Variants in CRPPA observed in about 807,000 individuals in gnomAD.
The protein encoded by CRPPA is CDP-L-ribitol pyrophosphorylase A.
A neutral mutation model predicts 52.0 loss-of-function variants in CRPPA; 43 were observed. That is an observed-to-expected ratio of 0.83 (90% CI 0.65 to 1.07). The LOEUF is 1.07. Among genes scored for constraint, CRPPA ranks in the 50% least tolerant of loss-of-function variants. The probability of loss-of-function intolerance (pLI) is 0.00; values close to 1 mark genes in which losing one functional copy is unlikely to be tolerated. For missense variants in CRPPA, 629 were observed against 551.7 expected (o/e 1.14, Z -1.40); for synonymous variants, 250 against 203.5 (o/e 1.23, Z -1.94).
At chr7:16,135,688 G>A (rs933130104) in intron 9 of CRPPA, among the ~76,000 whole-genome samples, 6 of 152,128 alleles carry the variant, frequency 3.9e-5, no homozygotes, top group African/African-American at 1.4e-4. Flanking sequence ...GCCACCTTAT[G>A]CAGAATTCTG....
chr7:16,406,396 A>C, intron 1 of CRPPA, 59 bp from the exon 2 acceptor site: 1 of 1,455,064 alleles, frequency 6.9e-7, no homozygotes, highest in South Asian at 1.3e-5. Context: ...AAAGTGAGTA[A>C]CAGAAAATTG....
intron 3 of CRPPA, among the ~76,000 whole-genome samples, chr7:16,336,044 A>T (rs1363352278): frequency 6.6e-6 from 1 of 152,202 alleles, no homozygotes; most frequent in East Asian, 1.9e-4. Context: ...AAAGATAATT[A>T]AAAATTTTCC....
chr7:16,349,033 G>C (rs1786084585), intron 3 of CRPPA, among the ~76,000 whole-genome samples: 1 of 152,188 alleles, frequency 6.6e-6, no homozygotes, highest in African/African-American at 2.4e-5. Context: ...GCTTGAATGT[G>C]AGTACAATAT....
chr7:16,343,897 C>T (rs1785936089), intron 3 of CRPPA, among the ~76,000 whole-genome samples: 1 of 152,132 alleles, frequency 6.6e-6, no homozygotes, highest in Non-Finnish European at 1.5e-5. Context: ...AAGGGTGTAA[C>T]CCTACACATG....
chr7:16,255,616 C>G (rs1783617164), intron 8 of CRPPA, among the ~76,000 whole-genome samples: 1 of 152,098 alleles, frequency 6.6e-6, no homozygotes, highest in Admixed American at 6.6e-5. Context: ...TGGAACAGAA[C>G]AGAGACCTCA....
intron 8 of CRPPA, among the ~76,000 whole-genome samples, chr7:16,241,793 A>C (rs1244082676): frequency 6.6e-6 from 1 of 152,128 alleles, no homozygotes; most frequent in Non-Finnish European, 1.5e-5. Flanking sequence ...TACCGCTAAA[A>C]AACACATATA....
intron 2 of CRPPA, among the ~76,000 whole-genome samples, chr7:16,383,374 C>G (rs1401502542): frequency 2.6e-5 from 4 of 152,168 alleles, no homozygotes; most frequent in Admixed American, 2.0e-4. Flanking sequence ...GAGGAGTACC[C>G]GGCCGTGTGA....
intron 8 of CRPPA, among the ~76,000 whole-genome samples, chr7:16,219,072 C>G (rs1454124024): frequency 6.6e-6 from 1 of 152,154 alleles, no homozygotes; most frequent in Non-Finnish European, 1.5e-5. Flanking sequence ...TGTAAAAGAA[C>G]AGAAATTATA....
At chr7:16,177,052 G>A (rs552937153) in intron 9 of CRPPA, among the ~76,000 whole-genome samples, 1 of 152,222 alleles carries the variant, frequency 6.6e-6, no homozygotes, top group South Asian at 2.1e-4. Flanking sequence ...ACTCAACTCA[G>A]TAAGTTACAC....
intron 9 of CRPPA, among the ~76,000 whole-genome samples, chr7:16,161,130 CAG>C (rs1420709665): frequency 6.6e-6 from 1 of 152,174 alleles, no homozygotes; most frequent in Non-Finnish European, 1.5e-5. Flanking sequence ...CATCTACAAA[CAG>C]AGACAATTTG....
chr7:16,384,859 C>T (rs1002218785), intron 2 of CRPPA, among the ~76,000 whole-genome samples: 11 of 152,142 alleles, frequency 7.2e-5, no homozygotes, highest in Admixed American at 2.6e-4. Flanking sequence ...AGGCCCCACC[C>T]ATATATCAAA....
intron 8 of CRPPA, among the ~76,000 whole-genome samples, chr7:16,229,486 C>G (rs1239076637): frequency 6.6e-6 from 1 of 151,984 alleles, no homozygotes; most frequent in Non-Finnish European, 1.5e-5. Context: ...ACAAAAACCA[C>G]ATTAAATTGT....
chr7:16,345,418 T>G (rs1785987330), intron 3 of CRPPA, among the ~76,000 whole-genome samples: 1 of 152,184 alleles, frequency 6.6e-6, no homozygotes, highest in African/African-American at 2.4e-5. Flanking sequence ...AGAGGACCAG[T>G]AAAAGTAAGC....
At chr7:16,094,497 A>T (rs1004950901) in intron 9 of CRPPA, among the ~76,000 whole-genome samples, 1 of 152,154 alleles carries the variant, frequency 6.6e-6, no homozygotes, top group Non-Finnish European at 1.5e-5. Flanking sequence ...TACAAAAAAA[A>T]TGGTTTTAAT....
At chr7:16,266,244 T>A (rs1257977876) in intron 6 of CRPPA, 1 of 152,206 alleles carries the variant, frequency 6.6e-6, no homozygotes, top group Admixed American at 6.5e-5. Flanking sequence ...ATCAAAGTAA[T>A]GTCAAGTGCT....
intron 4 of CRPPA, among the ~76,000 whole-genome samples, chr7:16,306,925 AG>A (rs1215853837): frequency 6.6e-6 from 1 of 151,888 alleles, no homozygotes; most frequent in Non-Finnish European, 1.5e-5. Context: ...TTTCTCTACC[AG>A]GCAATACTTC....
At chr7:16,387,044 GAT>G (rs57024916) in intron 2 of CRPPA, among the ~76,000 whole-genome samples, 2,612 of 95,668 alleles carry the variant, frequency 0.027, 27 homozygotes, top group Middle Eastern at 0.045. Context: ...ATAAAAAAAA[GAT>G]ATATATATAT....
intron 8 of CRPPA, among the ~76,000 whole-genome samples, chr7:16,227,729 C>T (rs369117809): frequency 2.0e-5 from 3 of 151,776 alleles, no homozygotes; most frequent in Non-Finnish European, 4.4e-5. Flanking sequence ...CTCAGCTGTG[C>T]AGAAGCTTTT....
intron 9 of CRPPA, among the ~76,000 whole-genome samples, chr7:16,182,032 T>C (rs1210201358): frequency 6.6e-6 from 1 of 151,992 alleles, no homozygotes; most frequent in Non-Finnish European, 1.5e-5. Context: ...ACCTAATATG[T>C]AATTGCTAGA....
Sources: allele counts gnomAD v4.1 joint callset (sites outside exome capture counted in the v4.1 genomes callset), GRCh38; gene constraint gnomAD v4.1.1; transcripts MANE v1.5; gene names NCBI Gene and HGNC (gene_info 2026-07-23, HGNC 2026-07-21).